TRDN: variants seen among roughly 807,000 people sequenced by gnomAD.
TRDN encodes the protein triadin in skeletal muscle.
A neutral mutation model predicts 149.7 loss-of-function variants in TRDN; 161 were observed. The observed-to-expected ratio is 1.08, with a 90% CI of 0.95 to 1.23. The LOEUF (loss-of-function observed/expected upper bound fraction) is 1.23, where lower values mean the gene tolerates loss of function less well. Ranked by LOEUF, TRDN falls within the 50% of genes most tolerant of loss-of-function variation. The probability of loss-of-function intolerance (pLI) is 0.00; values close to 1 mark genes in which losing one functional copy is unlikely to be tolerated. For missense variants in TRDN, 896 were observed against 823.5 expected, an observed-to-expected ratio of 1.09 and a Z score of -1.08; for synonymous variants, 294 against 250.5, an observed-to-expected ratio of 1.17 and a Z score of -1.64.
intron 23 of TRDN, among the ~76,000 whole-genome samples, chr6:123,327,329 A>G (rs1376353618): frequency 6.6e-6 from 1 of 152,084 alleles, no homozygotes; most frequent in Non-Finnish European, 1.5e-5. Context: ...TTATTTTTCA[A>G]AAAATATTTT....
At chr6:123,597,601 T>C (rs1784095579) in intron 1 of TRDN, among the ~76,000 whole-genome samples, 1 of 152,058 alleles carries the variant, frequency 6.6e-6, no homozygotes, top group Non-Finnish European at 1.5e-5. Flanking sequence ...TTCATTGTTG[T>C]CTTTTGTTAA....
In TRDN at chr6:123,619,605, A is replaced by G. The variant is rs138418652; in HGVS notation, c.22+17149T>C. ...AGTCTGTTTGTGTTTAACGGGAGGA[A>G]AAGTAGACCTCACCTCTCAAGAGAA... On this transcript the variant is annotated intron_variant, in intron 1 of 40. Transcript: ENST00000334268. Among the ~76,000 whole-genome samples the G allele has an allele frequency of 8.5e-4, 130 of 152,294 alleles. 3 individuals are homozygous for G. In the East Asian group the frequency reaches 0.023, roughly 27 times the overall value.
At chr6:123,267,672 A>G (rs1232936644) in intron 32 of TRDN, 35 bp downstream of exon 32, 1 of 1,427,964 alleles carries the variant, frequency 7.0e-7, no homozygotes, top group Non-Finnish European at 9.5e-7. Context: ...AATAGTGAAC[A>G]TAAGACAGAA....
chr6:123,542,234 C>G (rs993211821), intron 4 of TRDN, among the ~76,000 whole-genome samples: 4 of 152,158 alleles, frequency 2.6e-5, no homozygotes, highest in Non-Finnish European at 5.9e-5. Flanking sequence ...TTGGGTCTAG[C>G]TTATCCTTAA....
chr6:123,251,151 G>T (rs918428702), intron 38 of TRDN, among the ~76,000 whole-genome samples: 2 of 152,048 alleles, frequency 1.3e-5, no homozygotes, highest in African/African-American at 2.4e-5. Context: ...GGACAATTTT[G>T]TGTCCTTACA....
At chr6:123,573,696 T>C (rs527635032) in intron 1 of TRDN, among the ~76,000 whole-genome samples, 38 of 152,140 alleles carry the variant, frequency 2.5e-4, no homozygotes, top group Non-Finnish European at 4.7e-4. Flanking sequence ...TCCGTACAAG[T>C]AGAGGCTGTT....
chr6:123,386,578 C>T (rs756000831), intron 14 of TRDN, among the ~76,000 whole-genome samples: 43 of 152,276 alleles, frequency 2.8e-4, no homozygotes, highest in African/African-American at 8.4e-4. Flanking sequence ...CACAGAAAGA[C>T]GGGAGGCTTG....
At chr6:123,541,525 T>C (rs1780833799) in intron 4 of TRDN, among the ~76,000 whole-genome samples, 1 of 152,146 alleles carries the variant, frequency 6.6e-6, no homozygotes, top group African/African-American at 2.4e-5. Context: ...CTATTCTCTC[T>C]GGGCTTTGTC....
At chr6:123,369,705 C>T (rs1426519568) in intron 19 of TRDN, among the ~76,000 whole-genome samples, 1 of 152,152 alleles carries the variant, frequency 6.6e-6, no homozygotes, top group Non-Finnish European at 1.5e-5. Context: ...GTTCCACTAC[C>T]ACACCAGCAC....
At chr6:123,457,626 A>G in intron 10 of TRDN, 1 of 435,570 alleles carries the variant, frequency 2.3e-6, no homozygotes, top group South Asian at 1.7e-5. Flanking sequence ...AATTTACTCA[A>G]CAGTTATTAA....
chr6:123,433,627 A>G (rs981492752), intron 12 of TRDN, among the ~76,000 whole-genome samples: 1 of 152,148 alleles, frequency 6.6e-6, no homozygotes, highest in Non-Finnish European at 1.5e-5. Context: ...ATAGTTCTAT[A>G]CAGATAATTC....
chr6:123,563,700 G>A (rs1356306508), intron 2 of TRDN, among the ~76,000 whole-genome samples: 1 of 152,188 alleles, frequency 6.6e-6, no homozygotes, highest in Non-Finnish European at 1.5e-5. Flanking sequence ...CAGATTAGTG[G>A]AGAAGAGATA....
At chr6:123,538,563 G>A (rs1457701938) in intron 4 of TRDN, among the ~76,000 whole-genome samples, 2 of 152,096 alleles carry the variant, frequency 1.3e-5, no homozygotes. Context: ...CACCTAGTAT[G>A]TGTATGACTT....
chr6:123,616,919 T>C (rs1386101964), intron 1 of TRDN, among the ~76,000 whole-genome samples: 3 of 152,200 alleles, frequency 2.0e-5, no homozygotes, highest in African/African-American at 7.2e-5. Context: ...AAAATCTGCA[T>C]GATTTTATGC....
At chr6:123,520,808 T>C (rs1779640218) in intron 5 of TRDN, among the ~76,000 whole-genome samples, 1 of 152,152 alleles carries the variant, frequency 6.6e-6, no homozygotes, top group Non-Finnish European at 1.5e-5. Context: ...CTGTGATGCA[T>C]AGCTTTGTGC....
rs554508912 is a variant in TRDN, at chr6:123,279,074, C to T, written c.1519G>A (p.Val507Ile). The change falls in exon 25 of 41, where the codon GTC becomes ATC. Residue 507 changes from valine to isoleucine, a missense_variant. Coordinates refer to ENST00000334268, the MANE Select transcript of TRDN (RefSeq NM_006073.4). Reference sequence around the variant, plus strand: ...AACATACGTGGAGGTTTAGGCTTGACTTCTTTGCCTAGAAAAAAGTAAAAA... The same window carrying T: ...AACATACGTGGAGGTTTAGGCTTGATTTCTTTGCCTAGAAAAAAGTAAAAA... Reference protein sequence around the residue: ...DEKMSKAGKEVKPKPPQLQGK... With the variant: ...DEKMSKAGKEIKPKPPQLQGK... 1.2e-5 allele frequency: 20 copies of T among 1,607,624 alleles called. No individual in the cohort carries two copies. The South Asian group carries it at 1.4e-4, about 12-fold the overall frequency.
intron 12 of TRDN, among the ~76,000 whole-genome samples, chr6:123,433,621 T>C (rs1282943492): frequency 6.6e-6 from 1 of 152,180 alleles, no homozygotes; most frequent in African/African-American, 2.4e-5. Flanking sequence ...TAATTTATAG[T>C]TCTATACAGA....
intron 5 of TRDN, chr6:123,529,404 G>A: frequency 6.7e-7 from 1 of 1,498,742 alleles, no homozygotes; most frequent in Non-Finnish European, 9.1e-7. Flanking sequence ...TCAATGTTCT[G>A]ATTGTTGAAG....
chr6:123,269,980 A>T, intron 30 of TRDN, 114 bp from the exon 31 acceptor site: 1 of 933,584 alleles, frequency 1.1e-6, no homozygotes, highest in Non-Finnish European at 1.6e-6. Flanking sequence ...TCCTTAGCTT[A>T]AACTTAACCT....
Sources: gnomAD v4.1 joint callset for allele counts (sites outside exome capture counted in the v4.1 genomes callset) on GRCh38, gnomAD v4.1.1 for gene constraint, MANE v1.5 for transcripts, NCBI Gene and HGNC (gene_info 2026-07-23, HGNC 2026-07-21) for gene names.